Variants in MLLT3 observed in about 807,000 individuals in gnomAD.
The protein encoded by MLLT3 is protein AF-9.
Under a neutral mutation model 53.2 loss-of-function variants are expected in MLLT3, and 4 were observed. The observed-to-expected ratio is 0.08, with a 90% CI of 0.04 to 0.17. The LOEUF is 0.17. Ranked by LOEUF, MLLT3 falls within the 10% of genes least tolerant of loss-of-function variation. The pLI is 1.00. For synonymous variants in MLLT3, 283 were observed against 230.6 expected (o/e 1.23, Z -2.06); for missense variants, 569 against 684.0 (o/e 0.83, Z 1.87).
At chr9:20,482,943 C>T (rs1824701901) in intron 2 of MLLT3, among the ~76,000 whole-genome samples, 2 of 152,180 alleles carry the variant, frequency 1.3e-5, no homozygotes, top group African/African-American at 4.8e-5. Context: ...ATCTTCCACC[C>T]TCTTGTCCTA....
chr9:20,478,966 T>C (rs993940108), intron 2 of MLLT3, among the ~76,000 whole-genome samples: 1 of 152,128 alleles, frequency 6.6e-6, no homozygotes, highest in African/African-American at 2.4e-5. Flanking sequence ...CTTGAGAGAC[T>C]TTACAAAGAA....
chr9:20,620,252 AACACACACAC>A lies in MLLT3; in HGVS notation c.193+392_193+401del, dbSNP rs60526002. Among the ~76,000 whole-genome samples, 4,115 of 142,570 alleles carry A rather than the reference AACACACACAC, an allele frequency of 0.029. 179 individuals carry two copies. Among genetic ancestry groups the A allele is most frequent in the African/African-American group, 0.092 (3,549 of 38,370 alleles). The allele number at this position is 142,570 out of a possible 152,430, so 93.5% of individuals were successfully genotyped here. ...AGGTAAATCTTAATTTCTCTAGGAA[AACACACACAC>A]ACACACACACACACACACACACACA... is the stretch of plus-strand genomic sequence containing the variant. On this transcript the variant is annotated intron_variant, in intron 2 of 10. Transcript: ENST00000380338. This position sits in a 1 kb window ranked among gnomAD's most constrained non-coding sequence, Gnocchi z 6.1.
rs975894580 is a variant in MLLT3, at chr9:20,432,576, C to T, written c.420+15547G>A. ...TAATACGTGGAGTTAGCTCTATGTG[C>T]GGCACATACAGGGTGGGGGGAAAAA... On this transcript the variant is annotated intron_variant, in intron 4 of 10. Coordinates refer to ENST00000380338, the MANE Select transcript of MLLT3 (RefSeq NM_004529.4). Among the ~76,000 whole-genome samples the T allele has an allele frequency of 1.3e-5, 2 of 151,770 alleles. 1 individual carries two copies. Among genetic ancestry groups the T allele is most frequent in the South Asian group, 4.2e-4 (2 of 4,806 alleles).
chr9:20,606,802 A>G (rs1820582398), intron 2 of MLLT3, among the ~76,000 whole-genome samples: 1 of 152,088 alleles, frequency 6.6e-6, no homozygotes, highest in Non-Finnish European at 1.5e-5. Context: ...CACGCATTCA[A>G]TGAAAGCCCC....
chr9:20,420,528 A>G (rs1822982203), intron 4 of MLLT3, among the ~76,000 whole-genome samples: 1 of 152,224 alleles, frequency 6.6e-6, no homozygotes, highest in African/African-American at 2.4e-5. Flanking sequence ...TAAATTATAT[A>G]AAGCAAAAGG....
intron 2 of MLLT3, among the ~76,000 whole-genome samples, chr9:20,498,044 A>C (rs1220035856): frequency 1.3e-5 from 2 of 151,754 alleles, no homozygotes; most frequent in Non-Finnish European, 2.9e-5. Flanking sequence ...TAACATGGTG[A>C]AACTTTGTCT....
chr9:20,456,554 T>G (rs1823975219), intron 3 of MLLT3, 150 bp downstream of exon 3: 4 of 613,902 alleles, frequency 6.5e-6, no homozygotes, highest in Non-Finnish European at 8.5e-6. Flanking sequence ...TAATTAAGGG[T>G]AATGATAGCC....
At chr9:20,567,431 C>T (rs564130591) in intron 2 of MLLT3, among the ~76,000 whole-genome samples, 1 of 151,760 alleles carries the variant, frequency 6.6e-6, no homozygotes, top group South Asian at 2.1e-4. Flanking sequence ...AAGCCACCAA[C>T]TGATAGCCAC....
At chr9:20,577,307 T>C (rs778459974) in intron 2 of MLLT3, among the ~76,000 whole-genome samples, 1 of 152,188 alleles carries the variant, frequency 6.6e-6, no homozygotes, top group Non-Finnish European at 1.5e-5. Flanking sequence ...GACACTAACC[T>C]GATATATTCA....
intron 3 of MLLT3, among the ~76,000 whole-genome samples, 173 bp downstream of exon 3, chr9:20,456,531 G>A (rs1238056509): frequency 6.6e-6 from 1 of 151,912 alleles, no homozygotes; most frequent in African/African-American, 2.4e-5. Context: ...TCTTCTTCTA[G>A]CCACTTCCTT....
At chr9:20,456,655 G>T in intron 3 of MLLT3, 49 bp downstream of exon 3, 1 of 1,237,482 alleles carries the variant, frequency 8.1e-7, no homozygotes, top group Non-Finnish European at 1.2e-6. Flanking sequence ...ACATCATTTG[G>T]CTAATGGTGG....
intron 8 of MLLT3, among the ~76,000 whole-genome samples, chr9:20,357,343 T>A (rs1215649346): frequency 1.3e-5 from 2 of 152,132 alleles, no homozygotes; most frequent in East Asian, 3.9e-4. Flanking sequence ...GAAAAAACCA[T>A]CTCTGGTTGA....
intron 5 of MLLT3, among the ~76,000 whole-genome samples, chr9:20,394,471 G>C (rs2118729106): frequency 6.6e-6 from 1 of 152,256 alleles, no homozygotes; most frequent in African/African-American, 2.4e-5. Flanking sequence ...TCTTAGTTCT[G>C]ATAGTGCAGT....
At chr9:20,483,090 C>A (rs1180354393) in intron 2 of MLLT3, among the ~76,000 whole-genome samples, 3 of 152,046 alleles carry the variant, frequency 2.0e-5, no homozygotes, top group Non-Finnish European at 4.4e-5. Flanking sequence ...AAGAAAAAGA[C>A]AACTAGAGGC....
intron 2 of MLLT3, among the ~76,000 whole-genome samples, chr9:20,545,119 A>T (rs1403782354): frequency 1.3e-5 from 2 of 151,312 alleles, no homozygotes; most frequent in Non-Finnish European, 2.9e-5. Flanking sequence ...AAAAAAAAAA[A>T]AAAAGCAGCA....
chr9:20,409,018 A>C (rs1271091616), intron 5 of MLLT3, among the ~76,000 whole-genome samples: 2 of 152,202 alleles, frequency 1.3e-5, no homozygotes, highest in Non-Finnish European at 2.9e-5. Flanking sequence ...GTTTTCTCCA[A>C]GAAAACCCCT....
intron 2 of MLLT3, among the ~76,000 whole-genome samples, chr9:20,595,361 A>G (rs115837229): frequency 0.014 from 2,122 of 152,118 alleles, 55 homozygotes; most frequent in African/African-American, 0.049. Context: ...ACAGAGCAAG[A>G]CCCTATCTCA....
In MLLT3 at chr9:20,420,718, G is replaced by A. The variant is rs1169984957; in HGVS notation, c.421-6293C>T. ...TTCTATCTCGTTTTTTTTTATACTT[G>A]AAGTTCTAGGGTACATGTGCACAAC... is the stretch of plus-strand genomic sequence containing the variant. On this transcript the variant is annotated intron_variant, in intron 4 of 10. Coordinates refer to ENST00000380338, the MANE Select transcript of MLLT3 (RefSeq NM_004529.4). Among the ~76,000 whole-genome samples, 3 of 151,794 alleles carry A rather than the reference G, an allele frequency of 2.0e-5. No individual in the cohort carries two copies. In the South Asian group the frequency reaches 6.2e-4, roughly 32 times the overall value.
chr9:20,513,047 G>T (rs573099582), intron 2 of MLLT3, among the ~76,000 whole-genome samples: 2 of 152,364 alleles, frequency 1.3e-5, no homozygotes, highest in Admixed American at 6.5e-5. Flanking sequence ...GGTTTTGGGG[G>T]TATCTCTCTG....
Sources: gnomAD v4.1 joint callset for allele counts (sites outside exome capture counted in the v4.1 genomes callset) on GRCh38, gnomAD v4.1.1 for gene constraint, Gnocchi (gnomAD v3.1) non-coding constraint, MANE v1.5 for transcripts, NCBI Gene and HGNC (gene_info 2026-07-23, HGNC 2026-07-21) for gene names.